TRHDE: variants seen among roughly 807,000 people sequenced by gnomAD.
TRHDE encodes the protein thyrotropin-releasing hormone-degrading ectoenzyme.
TRHDE carries 72 observed loss-of-function variants against 125.7 expected under a neutral mutation model. The ratio of observed to expected loss-of-function variants is 0.57; its 90% CI spans 0.47 to 0.70. The LOEUF is 0.70. TRHDE is among the 30% of genes least tolerant of loss of function. TRHDE has a pLI of 0.00. For missense variants in TRHDE, 1,110 were observed against 1,327.1 expected (o/e 0.84, Z 2.54); for synonymous variants, 509 against 509.1 (o/e 1.00, Z 0.00).
At chr12:72,484,671 T>A (rs1192466048) in intron 5 of TRHDE, among the ~76,000 whole-genome samples, 1 of 152,182 alleles carries the variant, frequency 6.6e-6, no homozygotes, top group Non-Finnish European at 1.5e-5. Context: ...CTATTAGGAA[T>A]GCATTCATTG....
At chr12:72,377,581 G>C (rs1053408585) in intron 2 of TRHDE, among the ~76,000 whole-genome samples, 3 of 152,094 alleles carry the variant, frequency 2.0e-5, no homozygotes, top group Admixed American at 2.0e-4. Context: ...TCGGAAGCTT[G>C]ATACAACCTG....
intron 2 of TRHDE, among the ~76,000 whole-genome samples, chr12:72,191,707 A>G (rs1291181399): frequency 1.3e-5 from 2 of 152,170 alleles, no homozygotes; most frequent in Non-Finnish European, 2.9e-5. Context: ...TTGAGAGTTT[A>G]AGTAAAAAAA....
intron 10 of TRHDE, among the ~76,000 whole-genome samples, chr12:72,571,682 A>T (rs1400532046): frequency 6.6e-6 from 1 of 152,122 alleles, no homozygotes; most frequent in Non-Finnish European, 1.5e-5. Flanking sequence ...CGGTTCATGG[A>T]GAGGAATAAA....
At chr12:72,380,855 C>T (rs1342065503) in intron 3 of TRHDE, among the ~76,000 whole-genome samples, 1 of 146,172 alleles carries the variant, frequency 6.8e-6, no homozygotes, top group Non-Finnish European at 1.5e-5. Context: ...CCTTCTCTCT[C>T]TCTCTTTCTC....
intron 6 of TRHDE, among the ~76,000 whole-genome samples, chr12:72,506,020 C>T (rs190593254): frequency 8.5e-5 from 13 of 152,260 alleles, no homozygotes; most frequent in South Asian, 2.1e-4. Flanking sequence ...GCAACCCAGC[C>T]GGGCATGATG....
At chr12:72,252,733 C>T (rs1348136941) in intron 2 of TRHDE, among the ~76,000 whole-genome samples, 1 of 152,072 alleles carries the variant, frequency 6.6e-6, no homozygotes, top group East Asian at 1.9e-4. Context: ...GGCAAATTGA[C>T]ATTTTTACTA....
rs115741309 is a variant in TRHDE at position 72,505,843 on chromosome 12, G to A, written c.1722+6208G>A. Among the ~76,000 whole-genome samples, 287 of 152,206 alleles carry A rather than the reference G, an allele frequency of 1.9e-3. 2 individuals are homozygous for A. Among genetic ancestry groups the A allele is most frequent in the African/African-American group, 6.5e-3 (269 of 41,534 alleles). ...TCATCTCTAGAAATGAATAGGAAAGGCCAATCATCCATTTGTATCTATCAC... is the reference window on the plus strand; with the variant it reads ...TCATCTCTAGAAATGAATAGGAAAGACCAATCATCCATTTGTATCTATCAC... On this transcript the variant is annotated intron_variant, in intron 6 of 18. Transcript: ENST00000261180.
intron 2 of TRHDE, among the ~76,000 whole-genome samples, chr12:72,300,365 T>TACACACAC (rs10642447): frequency 1.5e-3 from 157 of 102,746 alleles, no homozygotes; most frequent in African/African-American, 5.0e-3. Context: ...TATATGTGTA[T>TACACACAC]ACACACACAC....
intron 6 of TRHDE, among the ~76,000 whole-genome samples, chr12:72,513,787 A>T (rs1352000367): frequency 6.6e-6 from 1 of 152,022 alleles, no homozygotes; most frequent in East Asian, 1.9e-4. Context: ...AAGGTTTCAC[A>T]GAGGTAAGAA....
chr12:72,610,370 C>T (rs554630744), intron 12 of TRHDE, among the ~76,000 whole-genome samples: 3 of 152,062 alleles, frequency 2.0e-5, no homozygotes, highest in Non-Finnish European at 2.9e-5. Flanking sequence ...AAGCATAGTC[C>T]GTGTAGTGAG....
chr12:72,363,745 A>C lies in TRHDE; in HGVS notation c.1189-14250A>C, dbSNP rs531906441. Among the ~76,000 whole-genome samples the C allele has an allele frequency of 3.6e-3, 553 of 152,186 alleles. 4 individuals carry two copies. Among genetic ancestry groups the C allele is most frequent in the Non-Finnish European group, 4.7e-3 (318 of 68,000 alleles). On this transcript the variant is annotated intron_variant, in intron 2 of 18. Transcript: ENST00000261180. ...ATGCCCTCTCTCACCACTCCTATTC[A>C]ACATAGTGTTGGAAGTTCTAGCCAG...
intron 3 of TRHDE, among the ~76,000 whole-genome samples, chr12:72,422,116 C>T (rs1450047309): frequency 6.6e-6 from 1 of 151,962 alleles, no homozygotes. Context: ...CTATTCATTT[C>T]TCATATTATA....
chr12:72,531,237 T>C lies in TRHDE; in HGVS notation c.1723-11054T>C, dbSNP rs565601506. ...TTAATGAGATTAAATGTTTTTCATG[T>C]ATTTATTGCCGTTTGGGTTGCTTAC... On this transcript the variant is annotated intron_variant, in intron 6 of 18. Coordinates refer to ENST00000261180, the MANE Select transcript of TRHDE (RefSeq NM_013381.3). 1.1e-4 allele frequency among the ~76,000 whole-genome samples: 17 copies of C among 152,258 alleles called. No individual in the cohort carries two copies. In the East Asian group the frequency reaches 3.1e-3, roughly 28 times the overall value.
intron 1 of TRHDE, among the ~76,000 whole-genome samples, chr12:72,095,134 T>C (rs150509033): frequency 7.2e-5 from 11 of 152,326 alleles, no homozygotes; most frequent in East Asian, 1.9e-4. Flanking sequence ...TTATTTTCCA[T>C]TGGAAAAGCA....
intron 2 of TRHDE, among the ~76,000 whole-genome samples, chr12:72,372,948 G>T (rs1312658337): frequency 4.6e-5 from 7 of 152,176 alleles, no homozygotes; most frequent in Non-Finnish European, 1.0e-4. Flanking sequence ...TAGCTTGATG[G>T]GGATGGCATT....
rs775386104 is a variant in TRHDE, at chr12:72,621,708, G to A, written c.2632G>A (p.Ala878Thr). 6.2e-7 allele frequency: 1 copy of A among 1,606,646 alleles called. No homozygotes were observed. The highest frequency in any genetic ancestry group is 8.5e-7 in the Non-Finnish European group (1 of 1,177,622). Residue 878 changes from alanine (A) to threonine (T), a missense_variant, in exon 15 of 19, where the codon GCA (alanine) becomes ACA (threonine). Around this residue, in one of 5 missense-constraint regions of TRHDE, gnomAD observed 527 missense variants for 651.8 expected, o/e 0.81. Transcript: ENST00000261180. ...TGGCAACAAGCACTGTCACCAACAGGCATCAACACTTATTTCAGATTGGAT... is the reference window on the plus strand; with the variant it reads ...TGGCAACAAGCACTGTCACCAACAGACATCAACACTTATTTCAGATTGGAT... ...SFGNKHCHQQ[A>T]STLISDWISS...
intron 6 of TRHDE, among the ~76,000 whole-genome samples, chr12:72,502,252 A>G (rs1400472149): frequency 1.3e-5 from 2 of 151,972 alleles, no homozygotes; most frequent in Non-Finnish European, 2.9e-5. Flanking sequence ...TGAGGTCATT[A>G]ACTTGAGACC....
intron 2 of TRHDE, among the ~76,000 whole-genome samples, chr12:72,219,264 GC>G (rs1005708972): frequency 4.1e-4 from 62 of 151,810 alleles, no homozygotes; most frequent in African/African-American, 1.5e-3. Flanking sequence ...TTTGCCAGTG[GC>G]CAAAACTGTT....
chr12:72,488,846 A>T (rs1361826821), intron 5 of TRHDE, among the ~76,000 whole-genome samples: 1 of 151,866 alleles, frequency 6.6e-6, no homozygotes, highest in Non-Finnish European at 1.5e-5. Context: ...TCAATAACAG[A>T]TAATTGTGAA....
Sources: allele counts gnomAD v4.1 joint callset (sites outside exome capture counted in the v4.1 genomes callset), GRCh38; gene constraint gnomAD v4.1.1; regional missense constraint gnomAD v4.1.1; transcripts MANE v1.5; gene names NCBI Gene and HGNC (gene_info 2026-07-23, HGNC 2026-07-21).